Variants in ABI1 observed in about 807,000 individuals in gnomAD.
ABI1 encodes abl interactor 1.
ABI1 carries 14 observed loss-of-function variants against 54.6 expected under a neutral mutation model. That is an observed-to-expected ratio of 0.26 (90% CI 0.17 to 0.40). The LOEUF is 0.40. Among genes scored for constraint, ABI1 ranks in the 10% least tolerant of loss-of-function variants. The pLI is 1.00. For synonymous variants in ABI1, 194 were observed against 209.3 expected (o/e 0.93, Z 0.63); for missense variants, 443 against 598.3 (o/e 0.74, Z 2.71).
At chr10:26,770,196 T>C in intron 5 of ABI1, 49 bp downstream of exon 5, 1 of 1,492,164 alleles carries the variant, frequency 6.7e-7, no homozygotes, top group Non-Finnish European at 9.4e-7. Context: ...CAGAAACATC[T>C]TTTCCTTTAG....
chr10:26,776,322 C>G (rs1019034424), intron 3 of ABI1, among the ~76,000 whole-genome samples: 1 of 152,124 alleles, frequency 6.6e-6, no homozygotes, highest in Admixed American at 6.6e-5. Context: ...CTAGCTGACC[C>G]CTTAAAAACT....
chr10:26,786,256 T>G (rs11593757), intron 2 of ABI1, among the ~76,000 whole-genome samples: 1 of 151,444 alleles, frequency 6.6e-6, no homozygotes, highest in African/African-American at 2.4e-5. Context: ...CTCTGTCGCC[T>G]AGGCTGGAGT....
intron 7 of ABI1, among the ~76,000 whole-genome samples, chr10:26,761,896 G>A (rs1839283387): frequency 6.6e-6 from 1 of 151,412 alleles, no homozygotes; most frequent in Non-Finnish European, 1.5e-5. Context: ...TAGACATTTT[G>A]GTTTGAGATT....
At chr10:26,800,384 C>A (rs2046469921) in intron 2 of ABI1, among the ~76,000 whole-genome samples, 1 of 151,934 alleles carries the variant, frequency 6.6e-6, no homozygotes, top group South Asian at 2.1e-4. Flanking sequence ...GACTGTGTCT[C>A]AAAAACAAAA....
At chr10:26,779,790 A>G (rs190376195) in intron 2 of ABI1, among the ~76,000 whole-genome samples, 1 of 152,242 alleles carries the variant, frequency 6.6e-6, no homozygotes, top group East Asian at 1.9e-4. Flanking sequence ...TGGTGGTATA[A>G]CCGTCCACTA....
At chr10:26,843,424 A>G (rs1193707785) in intron 1 of ABI1, among the ~76,000 whole-genome samples, 2 of 129,116 alleles carry the variant, frequency 1.5e-5, no homozygotes, top group Admixed American at 9.5e-5. Flanking sequence ...ACCACACTCC[A>G]GCCTTTATGA....
rs958741807 is a variant in ABI1, at chr10:26,860,357, C to A, written c.117+390G>T. Reference sequence around the variant, plus strand: ...CCTCTCCCGGCGCAGAGAGGCGGCGCGGCGGCAGCTCGGGGGTATTCCGGG... The same window carrying A: ...CCTCTCCCGGCGCAGAGAGGCGGCGAGGCGGCAGCTCGGGGGTATTCCGGG... On this transcript the variant is annotated intron_variant, in intron 1 of 10. Coordinates refer to ENST00000376140, the MANE Select transcript of ABI1 (RefSeq NM_001012750.3). The surrounding 1 kb of genome is among the most constrained non-coding windows in gnomAD (Gnocchi z 4.1). Among the ~76,000 whole-genome samples, 1 of 152,082 alleles carries A rather than the reference C, an allele frequency of 6.6e-6. No individual in the cohort carries two copies. Among genetic ancestry groups the A allele is most frequent in the Non-Finnish European group, 1.5e-5 (1 of 68,014 alleles).
At chr10:26,776,491 C>A (rs1367177052) in intron 3 of ABI1, 1 of 152,082 alleles carries the variant, frequency 6.6e-6, no homozygotes, top group Non-Finnish European at 1.5e-5. Context: ...AAAGCTGACA[C>A]ACTACAGGTA....
At chr10:26,808,801 T>C (rs910663580) in intron 2 of ABI1, among the ~76,000 whole-genome samples, 5 of 151,740 alleles carry the variant, frequency 3.3e-5, no homozygotes, top group African/African-American at 4.9e-5. Context: ...GATTAATAAA[T>C]TGTTTTTAAA....
Position 26,747,314 on chromosome 10 carries a change from G to GAGAC in ABI1, c.*1252_*1255dup, listed in dbSNP as rs1175388156. 4.4e-6 allele frequency: 1 copy of GAGAC among 226,080 alleles called. No homozygotes were observed. Among genetic ancestry groups the GAGAC allele is most frequent in the African/African-American group, 2.2e-5 (1 of 44,964 alleles). 14.0% of individuals were successfully genotyped at this position (226,080 alleles called of 1,614,324 possible). A position where few individuals can be genotyped will look rare whatever the true frequency, so the allele number is the denominator to read the frequency against. The stretch of plus-strand genomic sequence containing the variant: ...CCTCAGCCCTCCCTTCAATTAAGAG[G>GAGAC]AGACACACAAAGTGCATGTGTTGCA... On this transcript the variant is annotated 3_prime_UTR_variant, in exon 11 of 11. Transcript: ENST00000376140.
rs1396461015 is a variant in ABI1 at position 26,759,211 on chromosome 10, T to C, written c.848A>G (p.Gln283Arg). The change falls in exon 8 of 11, where the codon CAG becomes CGG. Residue 283 changes from glutamine to arginine, a missense_variant. Gln to Arg is a conservative substitution (Grantham distance 43). Coordinates refer to ENST00000376140, the MANE Select transcript of ABI1 (RefSeq NM_001012750.3). Reference protein sequence around the residue: ...PAAPGSAPGSQYGTMTRQISR... With the variant: ...PAAPGSAPGSRYGTMTRQISR... ...TATCTGCCTGGTCATTGTGCCATAC[T>C]GGGAACCAGGAGCTGAGCCCGGGGC... 1.9e-6 allele frequency: 3 copies of C among 1,614,042 alleles called. No homozygotes were observed. Among genetic ancestry groups the C allele is most frequent in the Non-Finnish European group, 8.5e-7 (1 of 1,179,964 alleles).
chr10:26,767,071 G>A (rs543329482), intron 6 of ABI1, among the ~76,000 whole-genome samples: 1 of 152,204 alleles, frequency 6.6e-6, no homozygotes, highest in African/African-American at 2.4e-5. Flanking sequence ...ATGAGCTCTT[G>A]AAAAAAGAAC....
chr10:26,792,232 T>C (rs775102784), intron 2 of ABI1, among the ~76,000 whole-genome samples: 4 of 152,254 alleles, frequency 2.6e-5, no homozygotes, highest in Non-Finnish European at 4.4e-5. Context: ...TGATTTATTA[T>C]ATATGCATAA....
chr10:26,859,567 T>G (rs2051129383), intron 1 of ABI1, among the ~76,000 whole-genome samples: 1 of 152,244 alleles, frequency 6.6e-6, no homozygotes, highest in African/African-American at 2.4e-5. Context: ...TAGCGCAAAC[T>G]GTTGGTTTAC....
At chr10:26,858,624 CTG>C (rs1415683716) in intron 1 of ABI1, among the ~76,000 whole-genome samples, 1 of 146,222 alleles carries the variant, frequency 6.8e-6, no homozygotes, top group Non-Finnish European at 1.5e-5. Context: ...AAGTGAGAGA[CTG>C]TATGAAAAAT....
intron 1 of ABI1, among the ~76,000 whole-genome samples, chr10:26,850,253 T>A (rs776944263): frequency 6.6e-6 from 1 of 152,266 alleles, no homozygotes; most frequent in Non-Finnish European, 1.5e-5. Flanking sequence ...ACATTTTTCA[T>A]AAAACATTAT....
chr10:26,837,716 G>A (rs796370549), intron 1 of ABI1, among the ~76,000 whole-genome samples: 2 of 152,078 alleles, frequency 1.3e-5, no homozygotes, highest in Non-Finnish European at 2.9e-5. Context: ...CCAGTTTCAA[G>A]CAATTCACAT....
intron 1 of ABI1, among the ~76,000 whole-genome samples, chr10:26,848,605 CTTTTTTT>C (rs35694402): frequency 2.8e-5 from 3 of 107,384 alleles, no homozygotes; most frequent in South Asian, 3.0e-4. Context: ...TAAGAAGAGG[CTTTTTTT>C]TTTTTTTTTT....
intron 8 of ABI1, among the ~76,000 whole-genome samples, chr10:26,758,809 T>G (rs1838711815): frequency 6.6e-6 from 1 of 152,238 alleles, no homozygotes; most frequent in Non-Finnish European, 1.5e-5. Flanking sequence ...AGTTAAATTT[T>G]GGTATACTCA....
Sources: gnomAD v4.1 joint callset for allele counts (sites outside exome capture counted in the v4.1 genomes callset) on GRCh38, gnomAD v4.1.1 for gene constraint, Gnocchi (gnomAD v3.1) non-coding constraint, MANE v1.5 for transcripts, NCBI Gene and HGNC (gene_info 2026-07-23, HGNC 2026-07-21) for gene names.